Variants in PSMD1 observed in about 807,000 individuals in gnomAD.
The protein encoded by PSMD1 is proteasome 26S subunit, non-ATPase 1, also known as 26S proteasome non-ATPase regulatory subunit 1.
A neutral mutation model predicts 119.0 loss-of-function variants in PSMD1; 18 were observed. The observed-to-expected ratio is 0.15, with a 90% confidence interval of 0.10 to 0.22. The LOEUF (loss-of-function observed/expected upper bound fraction) is 0.22, where lower values mean the gene tolerates loss of function less well. PSMD1 is among the 10% of genes least tolerant of loss of function. PSMD1 has a pLI of 1.00. For synonymous variants in PSMD1, 374 were observed against 396.6 expected (o/e 0.94, Z 0.68); for missense variants, 702 against 1,158.5 (o/e 0.61, Z 5.72).
At chr2:231,081,505 C>T (rs1694308878) in intron 12 of PSMD1, among the ~76,000 whole-genome samples, 1 of 152,216 alleles carries the variant, frequency 6.6e-6, no homozygotes, top group African/African-American at 2.4e-5. Context: ...TTTCAGGACC[C>T]TACCTTCAGG....
At position 231,170,472 on chromosome 2, in the gene PSMD1, T is replaced by C; in HGVS notation, c.2716-94T>C. On this transcript the variant is annotated intron_variant, in intron 23 of 24. Coordinates refer to ENST00000308696, the MANE Select transcript of PSMD1 (RefSeq NM_002807.4). The surrounding 1 kb of genome is among the most constrained non-coding windows in gnomAD (Gnocchi z 4.1). ...GTTTTTCACTTCCAAATCATTTAAG[T>C]AGTTTTAAAGTACCATTTAACAAGT... The C allele has an allele frequency of 7.8e-7, 1 of 1,275,552 alleles. No individual in the cohort carries two copies. Among genetic ancestry groups the C allele is most frequent in the East Asian group, 2.5e-5 (1 of 39,790 alleles). The allele number at this position is 1,275,552 out of a possible 1,614,324, so 79.0% of individuals were successfully genotyped here.
intron 16 of PSMD1, among the ~76,000 whole-genome samples, chr2:231,092,635 G>T (rs781090917): frequency 1.3e-5 from 2 of 152,192 alleles, no homozygotes; most frequent in Admixed American, 6.5e-5. Flanking sequence ...ATGCCACGAT[G>T]GATGAGGACA....
At chr2:231,058,488 G>A (rs1227929592) in intron 1 of PSMD1, among the ~76,000 whole-genome samples, 2 of 151,574 alleles carry the variant, frequency 1.3e-5, no homozygotes, top group East Asian at 3.9e-4. Context: ...TCTTACTGTG[G>A]TGGTCGGACA....
Position 231,129,076 on chromosome 2 carries a change from C to T in PSMD1, c.1884-9660C>T, listed in dbSNP as rs921959274. 3.3e-5 allele frequency among the ~76,000 whole-genome samples: 5 copies of T among 152,262 alleles called. No individual in the cohort carries two copies. In the East Asian group the frequency reaches 5.8e-4, roughly 18 times the overall value. Reference sequence around the variant, plus strand: ...AGTAGATATGCTCAACTCTGCATGTCCTCAGTAATCACAGTAATCAGCTAT... The same window carrying T: ...AGTAGATATGCTCAACTCTGCATGTTCTCAGTAATCACAGTAATCAGCTAT... On this transcript the variant is annotated intron_variant, in intron 16 of 24. Transcript: ENST00000308696.
chr2:231,080,501 C>G (rs928503989), intron 12 of PSMD1, among the ~76,000 whole-genome samples, 187 bp downstream of exon 12: 1 of 151,880 alleles, frequency 6.6e-6, no homozygotes, highest in Non-Finnish European at 1.5e-5. Context: ...GTTTCTCACT[C>G]CTTTAAACCC....
At chr2:231,162,017 G>T (rs1192384702) in intron 20 of PSMD1, among the ~76,000 whole-genome samples, 6 of 152,200 alleles carry the variant, frequency 3.9e-5, no homozygotes, top group Admixed American at 3.9e-4. Context: ...TTACTAAAGG[G>T]AAAAAGCAAA....
At chr2:231,113,678 G>T in intron 16 of PSMD1, 1 of 1,536,194 alleles carries the variant, frequency 6.5e-7, no homozygotes, top group Non-Finnish European at 9.0e-7. Context: ...TCCTAGCCAA[G>T]TGGAACCAAA....
intron 16 of PSMD1, chr2:231,108,986 A>T (rs1392746855): frequency 1.9e-5 from 31 of 1,614,190 alleles, no homozygotes; most frequent in Non-Finnish European, 2.6e-5. Flanking sequence ...CACAATCCCT[A>T]GGACCTTTGA....
At chr2:231,125,142 A>G (rs1695689399) in intron 16 of PSMD1, 1 of 152,198 alleles carries the variant, frequency 6.6e-6, no homozygotes, top group South Asian at 2.1e-4. Context: ...CAAGGAGGTT[A>G]TTTCCTCTTT....
intron 4 of PSMD1, among the ~76,000 whole-genome samples, chr2:231,064,093 T>C (rs1574702332): frequency 6.6e-6 from 1 of 152,252 alleles, no homozygotes; most frequent in East Asian, 1.9e-4. Context: ...GCATGGTAGA[T>C]GCCTTCTAAA....
intron 4 of PSMD1, among the ~76,000 whole-genome samples, chr2:231,064,215 T>A (rs1472987204): frequency 2.6e-5 from 4 of 152,196 alleles, no homozygotes; most frequent in African/African-American, 9.7e-5. Context: ...TAGGGCACAT[T>A]TTTTAAGATG....
intron 16 of PSMD1, chr2:231,108,844 T>G: frequency 6.2e-7 from 1 of 1,614,148 alleles, no homozygotes; most frequent in Non-Finnish European, 8.5e-7. Context: ...GATTCACTCC[T>G]GAGGAAACAT....
intron 19 of PSMD1, among the ~76,000 whole-genome samples, chr2:231,160,445 CTAA>C (rs1401181560): frequency 1.3e-5 from 2 of 152,134 alleles, no homozygotes; most frequent in African/African-American, 4.8e-5. Context: ...TCTCAAAATT[CTAA>C]TAATGTTTAT....
At chr2:231,112,720 T>G (rs933461829) in intron 16 of PSMD1, among the ~76,000 whole-genome samples, 1 of 152,214 alleles carries the variant, frequency 6.6e-6, no homozygotes, top group Admixed American at 6.5e-5. Flanking sequence ...TTGAATGATT[T>G]ACGCATACTT....
chr2:231,119,763 C>T (rs1394238306), intron 16 of PSMD1, among the ~76,000 whole-genome samples: 3 of 144,970 alleles, frequency 2.1e-5, no homozygotes, highest in South Asian at 2.4e-4. Flanking sequence ...CCCAGCTACT[C>T]GGGAGGCTGA....
intron 23 of PSMD1, among the ~76,000 whole-genome samples, chr2:231,166,470 T>C (rs1462059171): frequency 6.6e-6 from 1 of 151,728 alleles, no homozygotes; most frequent in Non-Finnish European, 1.5e-5. Context: ...TTGGGACTGC[T>C]CAATAAGTAT....
At chr2:231,123,476 C>T (rs1383781050) in intron 16 of PSMD1, 8 of 1,614,014 alleles carry the variant, frequency 5.0e-6, no homozygotes, top group Non-Finnish European at 6.8e-6. Context: ...TCAGCCACCG[C>T]CAAGGACATT....
At chr2:231,155,490 C>T (rs1480665043) in intron 19 of PSMD1, among the ~76,000 whole-genome samples, 1 of 134,394 alleles carries the variant, frequency 7.4e-6, no homozygotes, top group Non-Finnish European at 1.5e-5. Flanking sequence ...TAATCTCCCT[C>T]ATATGGCCTC....
chr2:231,137,255 G>A (rs1258247280), intron 16 of PSMD1, among the ~76,000 whole-genome samples: 3 of 151,482 alleles, frequency 2.0e-5, no homozygotes. Flanking sequence ...GTAGCAAGTT[G>A]CAGTTGCCCA....
Sources: allele counts gnomAD v4.1 joint callset (sites outside exome capture counted in the v4.1 genomes callset), GRCh38; gene constraint gnomAD v4.1.1; non-coding constraint Gnocchi (gnomAD v3.1); transcripts MANE v1.5; gene names NCBI Gene and HGNC (gene_info 2026-07-23, HGNC 2026-07-21).